The following PPP2R2B variants were observed in gnomAD, a reference collection of about 807,000 sequenced individuals.
PPP2R2B encodes serine/threonine-protein phosphatase 2A 55 kDa regulatory subunit B beta isoform.
A neutral mutation model predicts 46.0 loss-of-function variants in PPP2R2B; 5 were observed. The ratio of observed to expected loss-of-function variants is 0.11; its 90% confidence interval spans 0.06 to 0.23. The LOEUF (loss-of-function observed/expected upper bound fraction) is 0.23. Among genes scored for constraint, PPP2R2B ranks in the 10% least tolerant of loss-of-function variants. PPP2R2B has a pLI of 1.00. For missense variants in PPP2R2B, 367 were observed against 575.0 expected, an observed-to-expected ratio of 0.64 and a Z score of 3.70; for synonymous variants, 215 against 206.7, an observed-to-expected ratio of 1.04 and a Z score of -0.34.
At chr5:146,968,833 T>A (rs1449787468) in intron 1 of PPP2R2B, among the ~76,000 whole-genome samples, 1 of 152,244 alleles carries the variant, frequency 6.6e-6, no homozygotes, top group Non-Finnish European at 1.5e-5. Flanking sequence ...ACGTACAACA[T>A]GAATGTATAT....
intron 2 of PPP2R2B, among the ~76,000 whole-genome samples, chr5:147,061,297 T>C (rs1029276391): frequency 2.0e-5 from 3 of 151,904 alleles, no homozygotes; most frequent in African/African-American, 7.3e-5. Flanking sequence ...GATTAGAGAG[T>C]GACTGCTTTG....
At chr5:146,742,259 G>A (rs768684934) in intron 2 of PPP2R2B, among the ~76,000 whole-genome samples, 12 of 152,044 alleles carry the variant, frequency 7.9e-5, no homozygotes, top group Admixed American at 5.2e-4. Flanking sequence ...TCTAAAATGC[G>A]CATGAAGCCT....
chr5:146,748,122 G>A (rs1369602894), intron 2 of PPP2R2B, among the ~76,000 whole-genome samples: 3 of 152,160 alleles, frequency 2.0e-5, no homozygotes, highest in African/African-American at 7.2e-5. Flanking sequence ...AGCACTGTGA[G>A]CATGGGTCTT....
chr5:146,691,244 T>C lies in PPP2R2B; in HGVS notation c.335-4A>G. 1 of 1,612,438 alleles carries C rather than the reference T, an allele frequency of 6.2e-7. No homozygotes were observed. Among genetic ancestry groups the C allele is most frequent in the Non-Finnish European group, 8.5e-7 (1 of 1,178,738 alleles). ...TTCCACAGCTTCACAGTTTTATCTG[T>C]AGTGGGCAACCAGATTAAGTCAGAA... On this transcript the variant is annotated splice_polypyrimidine_tract_variant and splice_region_variant and intron_variant, in intron 4 of 9. Coordinates refer to ENST00000394411, the MANE Select transcript of PPP2R2B (RefSeq NM_181675.4).
chr5:146,792,885 A>G (rs1175706433), intron 2 of PPP2R2B, among the ~76,000 whole-genome samples: 1 of 152,086 alleles, frequency 6.6e-6, no homozygotes, highest in Non-Finnish European at 1.5e-5. Context: ...CCTTTTTTAC[A>G]CTGGGTGAGG....
intron 2 of PPP2R2B, among the ~76,000 whole-genome samples, chr5:146,794,149 T>C (rs1756378685): frequency 6.6e-6 from 1 of 152,212 alleles, no homozygotes; most frequent in Non-Finnish European, 1.5e-5. Context: ...GGATTGTGAC[T>C]GAAGAAAGAT....
At chr5:146,948,150 G>C (rs1392776906) in intron 1 of PPP2R2B, among the ~76,000 whole-genome samples, 1 of 151,976 alleles carries the variant, frequency 6.6e-6, no homozygotes, top group South Asian at 2.1e-4. Flanking sequence ...GAGACTGTCT[G>C]TCTCTCCCAT....
At chr5:146,872,982 A>C (rs1188061219) in intron 2 of PPP2R2B, among the ~76,000 whole-genome samples, 1 of 152,164 alleles carries the variant, frequency 6.6e-6, no homozygotes, top group African/African-American at 2.4e-5. Context: ...GTTTAATCTC[A>C]AATTTATTAT....
intron 2 of PPP2R2B, among the ~76,000 whole-genome samples, chr5:146,758,239 C>A (rs1008617263): frequency 3.3e-5 from 5 of 152,108 alleles, no homozygotes; most frequent in Admixed American, 1.3e-4. Context: ...ATGATTGCCC[C>A]AAAGGCTCAA....
chr5:146,721,050 C>T (rs1442292276), intron 2 of PPP2R2B, among the ~76,000 whole-genome samples: 1 of 152,114 alleles, frequency 6.6e-6, no homozygotes, highest in East Asian at 1.9e-4. Context: ...AGTCAATTAA[C>T]CCACCAGAGC....
intron 4 of PPP2R2B, among the ~76,000 whole-genome samples, chr5:146,692,056 A>G (rs747980285): frequency 6.6e-6 from 1 of 152,194 alleles, no homozygotes; most frequent in Non-Finnish European, 1.5e-5. Flanking sequence ...TCAAATAACT[A>G]TCTGTCTCTT....
At chr5:147,073,301 G>A (rs186223107) in intron 2 of PPP2R2B, among the ~76,000 whole-genome samples, 1 of 152,108 alleles carries the variant, frequency 6.6e-6, no homozygotes, top group Non-Finnish European at 1.5e-5. Context: ...CAAAGAACCC[G>A]CTTCCCTTCC....
At chr5:146,835,678 C>T (rs1759237548) in intron 2 of PPP2R2B, among the ~76,000 whole-genome samples, 1 of 152,170 alleles carries the variant, frequency 6.6e-6, no homozygotes, top group Non-Finnish European at 1.5e-5. Flanking sequence ...GCCAGACAGA[C>T]CCAGGTTCCA....
At chr5:147,078,398 G>A (rs532889029) in intron 2 of PPP2R2B, among the ~76,000 whole-genome samples, 5 of 152,096 alleles carry the variant, frequency 3.3e-5, no homozygotes, top group Admixed American at 6.5e-5. Context: ...TAAGTGCAGA[G>A]TAAGAGAATA....
At chr5:146,797,881 G>A (rs1252494632) in intron 2 of PPP2R2B, among the ~76,000 whole-genome samples, 2 of 152,164 alleles carry the variant, frequency 1.3e-5, no homozygotes, top group African/African-American at 2.4e-5. Context: ...TTAGCTCCTG[G>A]AGTTCAGAGG....
At chr5:146,982,413 A>G (rs1753219263) in intron 1 of PPP2R2B, among the ~76,000 whole-genome samples, 1 of 152,196 alleles carries the variant, frequency 6.6e-6, no homozygotes, top group South Asian at 2.1e-4. Flanking sequence ...AACACCCTCC[A>G]TATGATTTTA....
chr5:146,975,364 C>G (rs970604906), intron 1 of PPP2R2B, among the ~76,000 whole-genome samples: 3 of 152,120 alleles, frequency 2.0e-5, no homozygotes, highest in Non-Finnish European at 2.9e-5. Context: ...AAGTAATATT[C>G]CACTGTGTGT....
At chr5:146,886,036 G>C (rs866059696) in intron 1 of PPP2R2B, among the ~76,000 whole-genome samples, 1 of 152,074 alleles carries the variant, frequency 6.6e-6, no homozygotes, top group South Asian at 2.1e-4. Context: ...TGTTGAAAAT[G>C]TTCTAAAATT....
In PPP2R2B at chr5:146,857,851, C is replaced by A. The variant is rs1760768146; in HGVS notation, c.70+20151G>T. On this transcript the variant is annotated intron_variant, in intron 2 of 9. Coordinates refer to ENST00000394411, the MANE Select transcript of PPP2R2B (RefSeq NM_181675.4). Reference sequence around the variant, plus strand: ...TACAGGCATGTGCCACCACACCTGGCTAACTTTGTATTTTTAGTAGAGACA... The same window carrying A: ...TACAGGCATGTGCCACCACACCTGGATAACTTTGTATTTTTAGTAGAGACA... Among the ~76,000 whole-genome samples, 3 of 152,144 alleles carry A rather than the reference C, an allele frequency of 2.0e-5. No homozygotes were observed. The South Asian group carries it at 6.2e-4, about 32-fold the overall frequency.
Sources: gnomAD v4.1 joint callset for allele counts (sites outside exome capture counted in the v4.1 genomes callset) on GRCh38, gnomAD v4.1.1 for gene constraint, MANE v1.5 for transcripts, NCBI Gene and HGNC (gene_info 2026-07-23, HGNC 2026-07-21) for gene names.